The following QTMAN variants were observed in gnomAD, a reference collection of about 807,000 sequenced individuals.
The protein encoded by QTMAN is queuosine-tRNA mannosyltransferase.
the QTMAN span, among the ~76,000 whole-genome samples, chr2:143,958,782 C>CTTTTTTTTTTTTTTTTTTT: frequency 1.8e-5 from 2 of 113,366 alleles, no homozygotes; most frequent in Non-Finnish European, 3.8e-5. Flanking sequence ...TTCTTTCTTT[C>CTTTTTTTTTTTTTTTTTTT]TTTTTTTTTT....
At chr2:144,277,781 A>G in the QTMAN span, among the ~76,000 whole-genome samples, 15 of 152,178 alleles carry the variant, frequency 9.9e-5, no homozygotes, top group African/African-American at 3.4e-4. Context: ...TGCTAAATCA[A>G]TATGTCTCAT....
At chr2:144,217,130 G>A in the QTMAN span, among the ~76,000 whole-genome samples, 1 of 152,050 alleles carries the variant, frequency 6.6e-6, no homozygotes, top group Admixed American at 6.6e-5. Flanking sequence ...TGGGCTCCCT[G>A]ACCCATTCGG....
chr2:144,104,646 A>T, the QTMAN span, among the ~76,000 whole-genome samples: 170 of 152,350 alleles, frequency 1.1e-3, 2 homozygotes, highest in African/African-American at 4.0e-3. Context: ...CAGCTCAAGG[A>T]GGCCTGCCTG....
chr2:144,094,034 T>A, the QTMAN span, among the ~76,000 whole-genome samples: 1 of 152,180 alleles, frequency 6.6e-6, no homozygotes, highest in African/African-American at 2.4e-5. Context: ...AAAATGTTAG[T>A]AAGAAATGGT....
At chr2:144,133,412 T>C in the QTMAN span, among the ~76,000 whole-genome samples, 1 of 52,290 alleles carries the variant, frequency 1.9e-5, no homozygotes, top group South Asian at 4.6e-4. Context: ...TATAATATAT[T>C]ATATATAATA....
the QTMAN span, among the ~76,000 whole-genome samples, chr2:144,144,231 C>A: frequency 6.6e-6 from 1 of 151,912 alleles, no homozygotes; most frequent in African/African-American, 2.4e-5. Context: ...CGGCATGTGA[C>A]CCAATGACTT....
the QTMAN span, chr2:143,970,697 T>G: frequency 6.2e-7 from 1 of 1,611,172 alleles, no homozygotes; most frequent in Non-Finnish European, 8.5e-7. Context: ...CACGTGGAAA[T>G]TGAGTCCTAA....
chr2:144,090,426 T>G, the QTMAN span, among the ~76,000 whole-genome samples: 1 of 152,106 alleles, frequency 6.6e-6, no homozygotes, highest in Admixed American at 6.5e-5. Context: ...AGTAAAACTA[T>G]TTCTATTTTG....
the QTMAN span, among the ~76,000 whole-genome samples, chr2:144,238,605 C>G: frequency 9.9e-5 from 15 of 152,174 alleles, no homozygotes; most frequent in African/African-American, 3.4e-4. Flanking sequence ...ATTATGAAAC[C>G]CTCTACCTGT....
At chr2:144,123,417 G>A in the QTMAN span, among the ~76,000 whole-genome samples, 5 of 152,134 alleles carry the variant, frequency 3.3e-5, no homozygotes, top group Admixed American at 6.6e-5. Context: ...GCGTGCTTCA[G>A]GCATAAACTT....
chr2:144,307,200 A>G, the QTMAN span, among the ~76,000 whole-genome samples: 9 of 151,094 alleles, frequency 6.0e-5, no homozygotes, highest in Middle Eastern at 3.4e-3. Context: ...AAAAAAAAAA[A>G]AAGAAAATAC....
the QTMAN span, among the ~76,000 whole-genome samples, chr2:144,264,105 G>A: frequency 5.3e-5 from 8 of 152,256 alleles, no homozygotes; most frequent in East Asian, 1.9e-4. Flanking sequence ...GCAAGCCTTC[G>A]TACCTCATGT....
the QTMAN span, among the ~76,000 whole-genome samples, chr2:144,000,492 G>A: frequency 6.6e-6 from 1 of 152,002 alleles, no homozygotes; most frequent in Admixed American, 6.6e-5. Flanking sequence ...ATTATTTCAT[G>A]TGAGCTTTGA....
At chr2:144,226,948 G>T in the QTMAN span, among the ~76,000 whole-genome samples, 1 of 152,038 alleles carries the variant, frequency 6.6e-6, no homozygotes, top group African/African-American at 2.4e-5. Flanking sequence ...ACAGTCAAGG[G>T]CAAAACAAGC....
chr2:144,171,114 T>C, the QTMAN span, among the ~76,000 whole-genome samples: 3 of 152,168 alleles, frequency 2.0e-5, no homozygotes, highest in Admixed American at 6.6e-5. Flanking sequence ...AATCACCTTA[T>C]TAATTAATAT....
the QTMAN span, among the ~76,000 whole-genome samples, chr2:143,951,590 AG>A: frequency 1.1e-4 from 16 of 151,578 alleles, no homozygotes; most frequent in African/African-American, 3.9e-4. Flanking sequence ...TGAATTTTTG[AG>A]GACTAAAGAT....
At chr2:144,242,682 C>T in the QTMAN span, among the ~76,000 whole-genome samples, 2 of 152,056 alleles carry the variant, frequency 1.3e-5, no homozygotes, top group Non-Finnish European at 2.9e-5. Flanking sequence ...ATATAAGAGG[C>T]CAGGCGTGGT....
chr2:143,952,333 C>T, the QTMAN span, among the ~76,000 whole-genome samples: 1 of 151,342 alleles, frequency 6.6e-6, no homozygotes, highest in Non-Finnish European at 1.5e-5. Flanking sequence ...ATGTGATATA[C>T]TTAGTGATGA....
At chr2:144,006,095 G>C in the QTMAN span, 4 of 152,000 alleles carry the variant, frequency 2.6e-5, no homozygotes, top group African/African-American at 9.7e-5. Context: ...TGTCACATTC[G>C]AAGTAAAATA....
Sources: allele counts gnomAD v4.1 joint callset (sites outside exome capture counted in the v4.1 genomes callset), GRCh38; gene constraint gnomAD v4.1.1; transcripts MANE v1.5; gene names NCBI Gene and HGNC (gene_info 2026-07-23, HGNC 2026-07-21).